RICTOR: variants seen among roughly 807,000 people sequenced by gnomAD.
RICTOR encodes the protein rapamycin-insensitive companion of mTOR.
Under a neutral mutation model 214.9 loss-of-function variants are expected in RICTOR, and 49 were observed. That is an observed-to-expected ratio of 0.23 (90% CI 0.18 to 0.29). The LOEUF is 0.29. Ranked by LOEUF, RICTOR falls within the 10% of genes least tolerant of loss-of-function variation. RICTOR has a pLI of 1.00. For synonymous variants in RICTOR, 717 were observed against 711.3 expected (o/e 1.01, Z -0.13); for missense variants, 1,625 against 2,047.0 (o/e 0.79, Z 3.98).
chr5:38,984,866 C>T (rs1253045471), intron 7 of RICTOR, among the ~76,000 whole-genome samples: 1 of 152,184 alleles, frequency 6.6e-6, no homozygotes, highest in Non-Finnish European at 1.5e-5. Flanking sequence ...ATCACCCCAG[C>T]TGGAGTGCAG....
chr5:39,010,510 C>T (rs1580090938), intron 3 of RICTOR, among the ~76,000 whole-genome samples: 1 of 152,122 alleles, frequency 6.6e-6, no homozygotes, highest in South Asian at 2.1e-4. Context: ...AGTTAGAGGG[C>T]TCAGAAGACA....
chr5:38,982,763 T>C (rs538504728), intron 7 of RICTOR, among the ~76,000 whole-genome samples: 56 of 141,936 alleles, frequency 3.9e-4, no homozygotes, highest in African/African-American at 1.0e-3. Flanking sequence ...TTTAAAATTA[T>C]ACATACATAC....
At chr5:38,966,382 A>C (rs1178614084) in intron 15 of RICTOR, among the ~76,000 whole-genome samples, 1 of 152,250 alleles carries the variant, frequency 6.6e-6, no homozygotes, top group Admixed American at 6.5e-5. Flanking sequence ...TGTAAAAATC[A>C]ACATTTCAGT....
intron 2 of RICTOR, among the ~76,000 whole-genome samples, chr5:39,046,259 G>C (rs565802494): frequency 1.3e-5 from 2 of 150,946 alleles, no homozygotes; most frequent in South Asian, 4.2e-4. Flanking sequence ...AGCTACTCAG[G>C]AGGCTGAGAT....
chr5:38,949,272 T>C, intron 31 of RICTOR: 1 of 838,416 alleles, frequency 1.2e-6, no homozygotes, highest in Non-Finnish European at 1.8e-6. Context: ...CTACTTAAAG[T>C]GAAAATAATT....
intron 26 of RICTOR, 47 bp from the exon 27 acceptor site, chr5:38,954,908 T>C (rs1222334441): frequency 2.2e-6 from 2 of 908,450 alleles, no homozygotes; most frequent in African/African-American, 1.7e-5. Context: ...AATTTAAATA[T>C]GCTAATTAGA....
chr5:38,990,648 G>GATATATATATCAGATATATCAC (rs773521918), intron 7 of RICTOR, among the ~76,000 whole-genome samples: 2 of 48,030 alleles, frequency 4.2e-5, no homozygotes, highest in Non-Finnish European at 9.1e-5. Flanking sequence ...ACATATATCA[G>GATATATATATCAGATATATCAC]ATATATGATA....
chr5:38,978,940 A>C (rs1579979625), intron 8 of RICTOR, among the ~76,000 whole-genome samples: 1 of 152,302 alleles, frequency 6.6e-6, no homozygotes, highest in African/African-American at 2.4e-5. Context: ...GCATCCTCAA[A>C]GCTCTATTAT....
intron 2 of RICTOR, among the ~76,000 whole-genome samples, chr5:39,041,940 CAAAAAAA>C (rs35609106): frequency 7.2e-4 from 61 of 84,624 alleles, no homozygotes; most frequent in Middle Eastern, 0.014. Flanking sequence ...GACCCTGTTT[CAAAAAAA>C]AAAAAAAAAA....
intron 36 of RICTOR, 196 bp from the exon 37 acceptor site, chr5:38,943,167 T>TTC: frequency 2.4e-6 from 1 of 415,234 alleles, no homozygotes; most frequent in Non-Finnish European, 4.3e-6. Flanking sequence ...GGTTTTTTTT[T>TTC]AAAAAAAATG....
chr5:39,031,755 A>C (rs1445016502), intron 2 of RICTOR, among the ~76,000 whole-genome samples: 1 of 152,234 alleles, frequency 6.6e-6, no homozygotes, highest in Non-Finnish European at 1.5e-5. Flanking sequence ...ATGCGACTTC[A>C]ACAGTAGAAC....
intron 6 of RICTOR, among the ~76,000 whole-genome samples, chr5:38,991,972 GATAAA>G (rs1752813134): frequency 6.6e-6 from 1 of 151,970 alleles, no homozygotes; most frequent in Non-Finnish European, 1.5e-5. Flanking sequence ...TTGTCCTGTT[GATAAA>G]ATAAAACTTG....
intron 2 of RICTOR, among the ~76,000 whole-genome samples, chr5:39,057,824 G>T (rs1561073175): frequency 6.6e-6 from 1 of 152,044 alleles, no homozygotes; most frequent in Non-Finnish European, 1.5e-5. Context: ...CACTTCCAAA[G>T]AGTGTATGTA....
chr5:38,972,316 T>G (rs1479652147), intron 10 of RICTOR, among the ~76,000 whole-genome samples: 1 of 152,158 alleles, frequency 6.6e-6, no homozygotes, highest in Non-Finnish European at 1.5e-5. Context: ...CACTTTAAAG[T>G]GAAAAACTCT....
chr5:38,960,240 G>A (rs1460685940), intron 20 of RICTOR, among the ~76,000 whole-genome samples, 158 bp downstream of exon 20: 3 of 151,996 alleles, frequency 2.0e-5, no homozygotes, highest in Non-Finnish European at 4.4e-5. Flanking sequence ...TGACTAAGTC[G>A]GGATTCAACT....
In RICTOR at chr5:38,940,516, C is replaced by T; in HGVS notation, c.*1788G>A. ...GCAACGTTCTTAGAAGTACTGTTGA[C>T]ATTTAAATAAACACTTGGGTTCAGT... On this transcript the variant is annotated 3_prime_UTR_variant, in exon 38 of 38. Transcript: ENST00000357387. The T allele has an allele frequency of 4.3e-6, 1 of 232,578 alleles. No homozygotes were observed. Among genetic ancestry groups the T allele is most frequent in the Non-Finnish European group, 8.5e-6 (1 of 117,426 alleles). The allele number at this position is 232,578 out of a possible 1,614,324, so 14.4% of individuals were successfully genotyped here.
intron 2 of RICTOR, among the ~76,000 whole-genome samples, chr5:39,066,985 C>A (rs1177765910): frequency 6.6e-6 from 1 of 152,202 alleles, no homozygotes; most frequent in South Asian, 2.1e-4. Flanking sequence ...TCTTCTGAGT[C>A]CTCCAAACTC....
intron 2 of RICTOR, among the ~76,000 whole-genome samples, chr5:39,042,966 A>C (rs1757268340): frequency 6.6e-6 from 1 of 152,204 alleles, no homozygotes; most frequent in Admixed American, 6.5e-5. Flanking sequence ...AAAGAAAAAG[A>C]CAAAAAGTAA....
At chr5:39,038,697 G>A (rs2150164812) in intron 2 of RICTOR, among the ~76,000 whole-genome samples, 1 of 152,268 alleles carries the variant, frequency 6.6e-6, no homozygotes, top group Non-Finnish European at 1.5e-5. Context: ...GCCAAATCAT[G>A]AGTGAACTCC....
Sources: allele counts gnomAD v4.1 joint callset (sites outside exome capture counted in the v4.1 genomes callset), GRCh38; gene constraint gnomAD v4.1.1; transcripts MANE v1.5; gene names NCBI Gene and HGNC (gene_info 2026-07-23, HGNC 2026-07-21).